Variants in LMBR1 observed in about 807,000 individuals in gnomAD.
LMBR1 encodes the protein limb region 1 protein homolog.
Under a neutral mutation model 73.9 loss-of-function variants are expected in LMBR1, and 52 were observed. The observed-to-expected ratio is 0.70, with a 90% CI of 0.56 to 0.89. The LOEUF is 0.89. Ranked by LOEUF, LMBR1 falls within the 40% of genes least tolerant of loss-of-function variation. The probability of loss-of-function intolerance (pLI) is 0.00; values close to 1 mark genes in which losing one functional copy is unlikely to be tolerated. For missense variants in LMBR1, 539 were observed against 579.8 expected (o/e 0.93, Z 0.72); for synonymous variants, 215 against 209.4 (o/e 1.03, Z -0.23).
rs141393559 is a variant in LMBR1 at position 156,781,665 on chromosome 7, T to C, written c.423+14724A>G. 1.2e-3 allele frequency among the ~76,000 whole-genome samples: 188 copies of C among 152,292 alleles called. 2 individuals are homozygous for C. The highest frequency in any genetic ancestry group is 4.4e-3 in the African/African-American group (184 of 41,566). On this transcript the variant is annotated intron_variant, in intron 5 of 16. Transcript: ENST00000353442. ...AAAATAAAAGTTTACTATTTAGCTTTACATGTCTATTAAATACCCATGGAT... is the reference window on the plus strand; with the variant it reads ...AAAATAAAAGTTTACTATTTAGCTTCACATGTCTATTAAATACCCATGGAT...
At chr7:156,872,813 G>C (rs1799507202) in intron 1 of LMBR1, among the ~76,000 whole-genome samples, 1 of 152,180 alleles carries the variant, frequency 6.6e-6, no homozygotes, top group Non-Finnish European at 1.5e-5. Flanking sequence ...ACAGAGTAGT[G>C]TGTGGAGACT....
intron 1 of LMBR1, among the ~76,000 whole-genome samples, chr7:156,887,379 C>G (rs1381120806): frequency 6.8e-6 from 1 of 148,068 alleles, no homozygotes; most frequent in South Asian, 2.1e-4. Flanking sequence ...AGGAGAATTG[C>G]CTGAACCCGG....
At chr7:156,709,237 C>G (rs1257459840) in intron 15 of LMBR1, among the ~76,000 whole-genome samples, 3 of 152,212 alleles carry the variant, frequency 2.0e-5, no homozygotes, top group Non-Finnish European at 4.4e-5. Context: ...TGAGGCCAAC[C>G]AACTGGCCAA....
chr7:156,793,388 A>T (rs1829563348), intron 5 of LMBR1, among the ~76,000 whole-genome samples: 1 of 152,228 alleles, frequency 6.6e-6, no homozygotes, highest in South Asian at 2.1e-4. Flanking sequence ...TGAATATTTT[A>T]AAATAACATG....
intron 15 of LMBR1, among the ~76,000 whole-genome samples, chr7:156,714,680 T>G: frequency 6.6e-6 from 1 of 152,196 alleles, no homozygotes; most frequent in South Asian, 2.1e-4. Context: ...AACTAGCCCT[T>G]AAATAACAAG....
Position 156,681,050 on chromosome 7 carries a change from A to T in LMBR1, c.*3028T>A. On this transcript the variant is annotated 3_prime_UTR_variant, in exon 17 of 17. Transcript: ENST00000353442. ...AGTTAACATTATACCAGTTTTTTCA[A>T]GTTTAAAAAGTCGGTGCTGCATCTA... The T allele has an allele frequency of 2.6e-6, 1 of 389,300 alleles. No homozygotes were observed. The highest frequency in any genetic ancestry group is 4.8e-6 in the Non-Finnish European group (1 of 206,552). 24.1% of individuals were successfully genotyped at this position (389,300 alleles called of 1,614,324 possible). A position where few individuals can be genotyped will look rare whatever the true frequency, so the allele number is the denominator to read the frequency against.
At chr7:156,852,590 C>T (rs1021787913) in intron 1 of LMBR1, among the ~76,000 whole-genome samples, 36 of 152,086 alleles carry the variant, frequency 2.4e-4, no homozygotes, top group African/African-American at 8.5e-4. Flanking sequence ...AAAAGTAACA[C>T]CAAATAAAAT....
chr7:156,796,056 G>A (rs981125688), intron 5 of LMBR1, among the ~76,000 whole-genome samples: 1 of 152,108 alleles, frequency 6.6e-6, no homozygotes, highest in Non-Finnish European at 1.5e-5. Context: ...ACAGAAAGGG[G>A]AGCCCATGGA....
At chr7:156,832,384 A>C (rs929860638) in intron 3 of LMBR1, among the ~76,000 whole-genome samples, 3 of 152,210 alleles carry the variant, frequency 2.0e-5, no homozygotes, top group Non-Finnish European at 4.4e-5. Context: ...TAGTTCATTC[A>C]CAATGTTGCA....
At chr7:156,697,418 G>A (rs1006936244) in intron 15 of LMBR1, among the ~76,000 whole-genome samples, 1 of 152,104 alleles carries the variant, frequency 6.6e-6, no homozygotes, top group South Asian at 2.1e-4. Flanking sequence ...AATTTACCAG[G>A]GCGGAGTTTT....
intron 14 of LMBR1, among the ~76,000 whole-genome samples, chr7:156,724,764 CTGTGTGTGTGTGTGTGTG>C (rs71189961): frequency 1.2e-4 from 17 of 146,436 alleles, no homozygotes; most frequent in Non-Finnish European, 2.1e-4. Context: ...AAAGAAATAG[CTGTGTGTGTGTGTGTGTG>C]TGTGTGTGTG....
chr7:156,715,930 G>C (rs1372567784), intron 15 of LMBR1, among the ~76,000 whole-genome samples: 1 of 152,092 alleles, frequency 6.6e-6, no homozygotes, highest in African/African-American at 2.4e-5. Context: ...TTAGAATATG[G>C]AAATAAAGAC....
chr7:156,712,451 T>C (rs1317357346), intron 15 of LMBR1, among the ~76,000 whole-genome samples: 1 of 152,220 alleles, frequency 6.6e-6, no homozygotes, highest in Non-Finnish European at 1.5e-5. Context: ...AAAAACAGTA[T>C]GGAGATTTCT....
chr7:156,724,185 T>C lies in LMBR1; in HGVS notation c.1159-7A>G, dbSNP rs768344230. On this transcript the variant is annotated splice_polypyrimidine_tract_variant and splice_region_variant and intron_variant, in intron 14 of 16. Coordinates refer to ENST00000353442, the MANE Select transcript of LMBR1 (RefSeq NM_022458.4). The stretch of plus-strand genomic sequence containing the variant: ...ACACACAATTTCCAATGATCTGTTA[T>C]GAGAAACGAGAAAGAATATTGGGCA... 1.2e-6 allele frequency: 2 copies of C among 1,606,876 alleles called. No individual in the cohort carries two copies. The highest frequency in any genetic ancestry group is 8.5e-7 in the Non-Finnish European group (1 of 1,175,436).
At chr7:156,731,104 T>C (rs1249572005) in intron 10 of LMBR1, among the ~76,000 whole-genome samples, 2 of 152,048 alleles carry the variant, frequency 1.3e-5, no homozygotes, top group African/African-American at 2.4e-5. Context: ...TTTAAATCTA[T>C]AAAAAATAAA....
At chr7:156,727,742 C>T (rs1167898365) in intron 12 of LMBR1, among the ~76,000 whole-genome samples, 188 bp downstream of exon 12, 1 of 151,746 alleles carries the variant, frequency 6.6e-6, no homozygotes, top group African/African-American at 2.4e-5. Flanking sequence ...CCTGTCAATC[C>T]AAAGTAAAAA....
intron 5 of LMBR1, among the ~76,000 whole-genome samples, chr7:156,775,313 A>G (rs1469369208): frequency 6.6e-6 from 1 of 152,186 alleles, no homozygotes; most frequent in African/African-American, 2.4e-5. Context: ...GGTTGCAGTG[A>G]GCCGAGGTCA....
intron 2 of LMBR1, among the ~76,000 whole-genome samples, chr7:156,835,094 C>T (rs1400073391): frequency 6.6e-6 from 1 of 152,036 alleles, no homozygotes; most frequent in Non-Finnish European, 1.5e-5. Flanking sequence ...GAGCCGAGAT[C>T]ACGCCACTGC....
intron 5 of LMBR1, 91 bp downstream of exon 5, chr7:156,796,298 T>A (rs2133376706): frequency 1.3e-6 from 1 of 774,676 alleles, no homozygotes; most frequent in South Asian, 1.7e-5. Flanking sequence ...ATATTCCATT[T>A]AAATAATTTA....
Sources: allele counts gnomAD v4.1 joint callset (sites outside exome capture counted in the v4.1 genomes callset), GRCh38; gene constraint gnomAD v4.1.1; transcripts MANE v1.5; gene names NCBI Gene and HGNC (gene_info 2026-07-23, HGNC 2026-07-21).